Variants in RBFOX3 observed in about 807,000 individuals in gnomAD.
RBFOX3 encodes RNA binding fox-1 homolog 3, also known as RNA binding protein fox-1 homolog 3.
RBFOX3 carries 17 observed loss-of-function variants against 48.7 expected under a neutral mutation model. The ratio of observed to expected loss-of-function variants is 0.35; its 90% CI spans 0.24 to 0.52. RBFOX3 has a LOEUF of 0.52. RBFOX3 is among the 20% of genes least tolerant of loss of function. The pLI, the probability that RBFOX3 is intolerant of heterozygous loss-of-function variation, is 0.94. For synonymous variants in RBFOX3, 212 were observed against 209.5 expected (o/e 1.01, Z -0.10); for missense variants, 382 against 497.5 (o/e 0.77, Z 2.21).
At chr17:79,365,914 C>T (rs2057678449) in intron 2 of RBFOX3, among the ~76,000 whole-genome samples, 1 of 152,204 alleles carries the variant, frequency 6.6e-6, no homozygotes, top group Non-Finnish European at 1.5e-5. Context: ...GATGGCAGCC[C>T]TTCTTGGATA....
At chr17:79,272,845 A>G (rs2067982726) in intron 3 of RBFOX3, among the ~76,000 whole-genome samples, 1 of 152,062 alleles carries the variant, frequency 6.6e-6, no homozygotes, top group South Asian at 2.1e-4. Context: ...CTTTCCCAAC[A>G]TCTTTCTCCA....
chr17:79,224,099 T>C (rs1015442810), intron 4 of RBFOX3, among the ~76,000 whole-genome samples: 6 of 151,968 alleles, frequency 3.9e-5, no homozygotes, highest in African/African-American at 7.3e-5. Flanking sequence ...TCCCAAACAG[T>C]AACATATGGT....
intron 3 of RBFOX3, among the ~76,000 whole-genome samples, chr17:79,279,642 G>A (rs573504019): frequency 6.6e-6 from 1 of 152,328 alleles, no homozygotes; most frequent in African/African-American, 2.4e-5. Context: ...CTCAGTAAAC[G>A]CAAACTCACT....
the RBFOX3 span, among the ~76,000 whole-genome samples, chr17:79,628,040 A>G: frequency 6.7e-6 from 1 of 149,510 alleles, no homozygotes; most frequent in Admixed American, 6.7e-5. Context: ...CTCCCCGCCC[A>G]AGGGTCCTCA....
Position 79,220,092 on chromosome 17 carries a change from G to A in RBFOX3, c.-34+15674C>T, listed in dbSNP as rs933629191. On this transcript the variant is annotated intron_variant, in intron 4 of 14. Transcript: ENST00000693108. The surrounding 1 kb of genome is among the most constrained non-coding windows in gnomAD (Gnocchi z 5.9). The stretch of plus-strand genomic sequence containing the variant: ...GCCTGGGAAGGCACGGGGTGGGGGG[G>A]TGGGGGGAGCACGCTGAGCTTCCCA... 6.6e-6 allele frequency among the ~76,000 whole-genome samples: 1 copy of A among 151,480 alleles called. No individual in the cohort carries two copies. Among genetic ancestry groups the A allele is most frequent in the East Asian group, 2.0e-4 (1 of 5,126 alleles).
rs2078777583 is a variant in RBFOX3 at position 79,481,540 on chromosome 17, G to A, written c.-175+914C>T. The stretch of plus-strand genomic sequence containing the variant: ...CACAGGGACCCGTAGGAAGCTTCAA[G>A]TGTGAGGCTGGCCGTGCACGTGATT... On this transcript the variant is annotated intron_variant, in intron 2 of 14. Transcript: ENST00000693108. The surrounding 1 kb of genome is among the most constrained non-coding windows in gnomAD (Gnocchi z 5.4). 6.6e-6 allele frequency among the ~76,000 whole-genome samples: 1 copy of A among 152,158 alleles called. No homozygotes were observed. The highest frequency in any genetic ancestry group is 2.4e-5 in the African/African-American group (1 of 41,416).
chr17:79,542,993 C>T (rs1323872726), intron 1 of RBFOX3, among the ~76,000 whole-genome samples: 2 of 152,120 alleles, frequency 1.3e-5, no homozygotes, highest in Non-Finnish European at 2.9e-5. Context: ...AGCTCTCTCC[C>T]GTGGCCGGTG....
upstream of RBFOX3, among the ~76,000 whole-genome samples, chr17:79,611,169 T>TCTCTCTCTCTCTCTCTCTCCTCTCTCG: frequency 3.9e-5 from 1 of 25,924 alleles, no homozygotes; most frequent in Non-Finnish European, 8.1e-5. Flanking sequence ...TCTCTCTCTC[T>TCTCTCTCTCTCTCTCTCTCCTCTCTCG]CTCTCCGCCC....
intron 2 of RBFOX3, among the ~76,000 whole-genome samples, chr17:79,368,503 G>C (rs766229584): frequency 2.0e-5 from 3 of 152,224 alleles, no homozygotes; most frequent in Non-Finnish European, 4.4e-5. Flanking sequence ...TCAGTCGTGG[G>C]TTCCACCGGT....
At chr17:79,586,269 G>A (rs995097760) in intron 1 of RBFOX3, among the ~76,000 whole-genome samples, 17 of 152,218 alleles carry the variant, frequency 1.1e-4, no homozygotes, top group Non-Finnish European at 2.2e-4. Context: ...GCACGGACGT[G>A]TGAGCAAGCC....
chr17:79,526,260 G>A (rs1377288755), intron 1 of RBFOX3, among the ~76,000 whole-genome samples: 7 of 152,192 alleles, frequency 4.6e-5, no homozygotes, highest in Admixed American at 3.9e-4. Context: ...CAGCCAGAGC[G>A]GCCCTGAACC....
rs368112708 is a variant in RBFOX3, at chr17:79,382,122, C to T, written c.-174-74298G>A. ...AGACCGTGCTGGGCTTCAGATCTCACCCTGGGGTGGCCTAGCCATACCCAG... is the reference window on the plus strand; with the variant it reads ...AGACCGTGCTGGGCTTCAGATCTCATCCTGGGGTGGCCTAGCCATACCCAG... On this transcript the variant is annotated intron_variant, in intron 2 of 14. Coordinates refer to ENST00000693108, the MANE Select transcript of RBFOX3 (RefSeq NM_001350451.2). 2.6e-5 allele frequency among the ~76,000 whole-genome samples: 4 copies of T among 152,314 alleles called. No homozygotes were observed. The East Asian group carries it at 7.7e-4, about 29-fold the overall frequency.
chr17:79,645,378 A>G, the RBFOX3 span, among the ~76,000 whole-genome samples: 2 of 152,034 alleles, frequency 1.3e-5, no homozygotes, highest in African/African-American at 4.8e-5. Context: ...CCAAATGCCA[A>G]GCACACTTTG....
intron 2 of RBFOX3, among the ~76,000 whole-genome samples, chr17:79,321,185 G>C (rs188310408): frequency 6.6e-6 from 1 of 152,228 alleles, no homozygotes; most frequent in Non-Finnish European, 1.5e-5. Context: ...GACCATGCAG[G>C]AGCCCAGGGC....
rs926350525 is a variant in RBFOX3, at chr17:79,103,020, G to C, written c.507+142C>G. On this transcript the variant is annotated intron_variant, in intron 8 of 14. Transcript: ENST00000693108. The surrounding 1 kb of genome is among the most constrained non-coding windows in gnomAD (Gnocchi z 6.1). Reference sequence around the variant, plus strand: ...CCGGCAGCTGAGCACCCTGGCCTTAGTGCGACCCTTCCTCCCACCCCAGGG... The same window carrying C: ...CCGGCAGCTGAGCACCCTGGCCTTACTGCGACCCTTCCTCCCACCCCAGGG... The C allele has an allele frequency of 4.6e-6, 3 of 653,814 alleles. No homozygotes were observed. Among genetic ancestry groups the C allele is most frequent in the Non-Finnish European group, 8.2e-6 (3 of 367,034 alleles). The allele number at this position is 653,814 out of a possible 1,614,324, so 40.5% of individuals were successfully genotyped here. A position where few individuals can be genotyped will look rare whatever the true frequency, so the allele number is the denominator to read the frequency against.
intron 4 of RBFOX3, among the ~76,000 whole-genome samples, chr17:79,223,729 A>C (rs575600854): frequency 1.3e-5 from 2 of 152,328 alleles, no homozygotes; most frequent in East Asian, 3.9e-4. Flanking sequence ...TCCCCCACCG[A>C]GGGATTCTGA....
intron 4 of RBFOX3, among the ~76,000 whole-genome samples, chr17:79,130,836 C>T (rs2038664102): frequency 6.6e-6 from 1 of 152,276 alleles, no homozygotes; most frequent in Non-Finnish European, 1.5e-5. Flanking sequence ...GCCTCCCTGC[C>T]TGGAGGCGGG....
the RBFOX3 span, among the ~76,000 whole-genome samples, chr17:79,634,060 C>T: frequency 0.48 from 72,513 of 152,106 alleles, 20,929 homozygotes; most frequent in Non-Finnish European, 0.63. Context: ...CCTTCCTCAC[C>T]GGGCTTATCT....
intron 2 of RBFOX3, among the ~76,000 whole-genome samples, chr17:79,350,424 C>T (rs1352232945): frequency 1.3e-5 from 2 of 152,202 alleles, no homozygotes; most frequent in Non-Finnish European, 2.9e-5. Flanking sequence ...CATCCTGTGA[C>T]TATAGGTTCT....
Sources: allele counts gnomAD v4.1 joint callset (sites outside exome capture counted in the v4.1 genomes callset), GRCh38; gene constraint gnomAD v4.1.1; non-coding constraint Gnocchi (gnomAD v3.1); transcripts MANE v1.5; gene names NCBI Gene and HGNC (gene_info 2026-07-23, HGNC 2026-07-21).